DLAT: variants seen among roughly 807,000 people sequenced by gnomAD.
DLAT encodes dihydrolipoyllysine-residue acetyltransferase component of pyruvate dehydrogenase complex, mitochondrial.
Under a neutral mutation model 68.0 loss-of-function variants are expected in DLAT, and 43 were observed. That is an observed-to-expected ratio of 0.63 (90% confidence interval 0.50 to 0.81). DLAT has a LOEUF of 0.81. Among genes scored for constraint, DLAT ranks in the 40% least tolerant of loss-of-function variants. The pLI is 0.00. For synonymous variants in DLAT, 265 were observed against 288.6 expected, an observed-to-expected ratio of 0.92 and a Z score of 0.83; for missense variants, 745 against 815.4, an observed-to-expected ratio of 0.91 and a Z score of 1.05.
chr11:112,035,488 CT>C (rs1862657236), intron 5 of DLAT, among the ~76,000 whole-genome samples: 1 of 150,504 alleles, frequency 6.6e-6, no homozygotes, highest in Non-Finnish European at 1.5e-5. Context: ...ATTTTAAACA[CT>C]TCTTTTTTTT....
intron 4 of DLAT, 99 bp downstream of exon 4, chr11:112,029,044 G>A: frequency 7.3e-7 from 1 of 1,374,132 alleles, no homozygotes; most frequent in South Asian, 1.2e-5. Flanking sequence ...CATTAAATGT[G>A]GTTAGGTCTT....
At chr11:112,058,648 T>C (rs1479964956) in intron 11 of DLAT, among the ~76,000 whole-genome samples, 1 of 151,412 alleles carries the variant, frequency 6.6e-6, no homozygotes, top group African/African-American at 2.4e-5. Flanking sequence ...TCACCTTTTT[T>C]TTTTTCTACT....
In DLAT at chr11:112,039,238, CA is replaced by C. The variant is rs781853215; in HGVS notation, c.976-2del. On this transcript the variant is annotated splice_polypyrimidine_tract_variant and splice_region_variant and intron_variant, in intron 6 of 13. Coordinates refer to ENST00000280346, the MANE Select transcript of DLAT (RefSeq NM_001931.5). The stretch of plus-strand genomic sequence containing the variant: ...ATTAAAACAATTTGTAATTTTTTTT[CA>C]AAAGGTGGCCGCTGTTCCTCCAACT... 281 of 1,613,106 alleles carry C rather than the reference CA, an allele frequency of 1.7e-4. No individual in the cohort carries two copies. The highest frequency in any genetic ancestry group is 2.3e-4 in the Non-Finnish European group (272 of 1,179,628).
chr11:112,051,276 A>G lies in DLAT; in HGVS notation c.1441A>G (p.Ile481Val), dbSNP rs377355788. ...RSKISVNDFI[I>V]KASALACLKV... The stretch of plus-strand genomic sequence containing the variant: ...CAAAATTTCTGTCAATGACTTCATC[A>G]TAAAAGCTTCAGCTTTGGCATGTTT... Residue 481 changes from isoleucine to valine, a missense_variant, in exon 11 of 14, where the codon ATA (isoleucine) becomes GTA (valine). Ile to Val is a conservative substitution (Grantham distance 29, BLOSUM62 3). Coordinates refer to ENST00000280346, the MANE Select transcript of DLAT (RefSeq NM_001931.5). The surrounding 1 kb of genome is among the most constrained non-coding windows in gnomAD (Gnocchi z 4.3). 15 of 1,613,350 alleles carry G rather than the reference A, an allele frequency of 9.3e-6. No homozygotes were observed. Among genetic ancestry groups the G allele is most frequent in the Non-Finnish European group, 1.3e-5 (15 of 1,179,978 alleles).
Position 112,026,307 on chromosome 11 carries a change from T to TG in DLAT, c.381+8_381+9insG. 7.5e-7 allele frequency: 1 copy of TG among 1,334,138 alleles called. No individual in the cohort carries two copies. The highest frequency in any genetic ancestry group is 2.9e-5 in the Admixed American group (1 of 34,492). The allele number at this position is 1,334,138 out of a possible 1,614,324, so 82.6% of individuals were successfully genotyped here. A position where few individuals can be genotyped will look rare whatever the true frequency, so the allele number is the denominator to read the frequency against. On this transcript the variant is annotated intron_variant, in intron 2 of 13. Coordinates refer to ENST00000280346, the MANE Select transcript of DLAT (RefSeq NM_001931.5). ...GGTGACCTAATTGCAGAGGTAAGTTTTTTTTTTTTTTTTTAATTAATTTAT... is the reference window on the plus strand; with the variant it reads ...GGTGACCTAATTGCAGAGGTAAGTTTGTTTTTTTTTTTTTTAATTAATTTAT...
intron 12 of DLAT, among the ~76,000 whole-genome samples, 184 bp from the exon 13 acceptor site, chr11:112,060,854 C>T (rs1864563628): frequency 6.6e-6 from 1 of 152,108 alleles, no homozygotes; most frequent in Admixed American, 6.5e-5. Context: ...GAAAATAAGA[C>T]ATTTTCCGGC....
At chr11:112,030,185 T>C in intron 4 of DLAT, 1 of 616,038 alleles carries the variant, frequency 1.6e-6, no homozygotes, top group Non-Finnish European at 3.1e-6. Context: ...AAGTGCTTCC[T>C]TTGTATCCTA....
rs1592669648 is a variant in DLAT at position 112,033,163 on chromosome 11, G to A, written c.661-241G>A. On this transcript the variant is annotated intron_variant, in intron 4 of 13. Transcript: ENST00000280346. The stretch of plus-strand genomic sequence containing the variant: ...TGAAAGAAATCTTTCCCATGTGCTT[G>A]TTGCATTTAACTTGGAGTGTGTGTT... Among the ~76,000 whole-genome samples, 7 of 152,320 alleles carry A rather than the reference G, an allele frequency of 4.6e-5. No individual in the cohort carries two copies. The South Asian group carries it at 1.2e-3, about 27-fold the overall frequency.
chr11:112,047,613 C>T (rs1592696588), intron 10 of DLAT, among the ~76,000 whole-genome samples: 1 of 152,184 alleles, frequency 6.6e-6, no homozygotes, highest in Admixed American at 6.5e-5. Flanking sequence ...ACGTTTAAGT[C>T]TTTAATCCAT....
At position 112,026,320 on chromosome 11, in the gene DLAT, T is replaced by A. The variant is rs1264986624; in HGVS notation, c.381+21T>A. ...CAGAGGTAAGTTTTTTTTTTTTTTT[T>A]TAATTAATTTATTTATTTTTTTTAT... On this transcript the variant is annotated intron_variant, in intron 2 of 13. Coordinates refer to ENST00000280346, the MANE Select transcript of DLAT (RefSeq NM_001931.5). The A allele has an allele frequency of 4.1e-6, 5 of 1,230,282 alleles. No individual in the cohort carries two copies. The African/African-American group carries it at 6.4e-5, about 16-fold the overall frequency. The allele number at this position is 1,230,282 out of a possible 1,614,324, so 76.2% of individuals were successfully genotyped here. A position where few individuals can be genotyped will look rare whatever the true frequency, so the allele number is the denominator to read the frequency against.
At chr11:112,035,428 G>A (rs1555180328) in intron 5 of DLAT, among the ~76,000 whole-genome samples, 1 of 152,028 alleles carries the variant, frequency 6.6e-6, no homozygotes, top group Non-Finnish European at 1.5e-5. Context: ...CACTAGAGAA[G>A]TGTTACCTTG....
At chr11:112,030,461 T>A (rs1299610013) in intron 4 of DLAT, 1 of 286,170 alleles carries the variant, frequency 3.5e-6, no homozygotes, top group African/African-American at 2.2e-5. Context: ...TGTCAAGTGC[T>A]GTCTGTTGAA....
At position 112,060,069 on chromosome 11, in the gene DLAT, G is replaced by C. The variant is rs782793536; in HGVS notation, c.1677+4G>C. 4 of 1,612,578 alleles carry C rather than the reference G, an allele frequency of 2.5e-6. No individual in the cohort carries two copies. The highest frequency in any genetic ancestry group is 3.4e-6 in the Non-Finnish European group (4 of 1,179,152). On this transcript the variant is annotated splice_donor_region_variant and intron_variant, in intron 12 of 13. Coordinates refer to ENST00000280346, the MANE Select transcript of DLAT (RefSeq NM_001931.5). ...ACTACAGCCACATGAATTCCAGGTA[G>C]GGTATTAATTATTGCTTTCTAATTA...
intron 6 of DLAT, among the ~76,000 whole-genome samples, chr11:112,038,701 C>T (rs2137760163): frequency 6.6e-6 from 1 of 151,350 alleles, no homozygotes; most frequent in African/African-American, 2.4e-5. Flanking sequence ...AAAAAATTAG[C>T]TGGGCGTGGT....
intron 7 of DLAT, among the ~76,000 whole-genome samples, chr11:112,039,868 G>A (rs922031640): frequency 6.6e-6 from 1 of 152,146 alleles, no homozygotes; most frequent in Non-Finnish European, 1.5e-5. Flanking sequence ...TTGTCTGTCT[G>A]CCGCCAAAGA....
chr11:112,056,675 C>T (rs1414166064), intron 11 of DLAT, among the ~76,000 whole-genome samples: 2 of 152,108 alleles, frequency 1.3e-5, no homozygotes, highest in Admixed American at 1.3e-4. Context: ...TTTTATTTCT[C>T]TTCAGTAGAT....
At position 112,062,479 on chromosome 11, in the gene DLAT, C is replaced by T; in HGVS notation, c.1888C>T (p.Gln630Ter). Residue 630 changes from glutamine (Q) to a stop codon, truncating the protein, a stop_gained, in exon 14 of 14, where the codon CAG becomes TAG. Coordinates refer to ENST00000280346, the MANE Select transcript of DLAT (RefSeq NM_001931.5). LOFTEE classifies it high-confidence loss of function. ...GGTGGTGGATGGAGCAGTTGGAGCC[C>T]AGTGGCTTGCTGAGTTTAGAAAGTA... ...HRVVDGAVGA[Q>*]WLAEFRKYLE... 3 of 1,612,724 alleles carry T rather than the reference C, an allele frequency of 1.9e-6. No homozygotes were observed. Among genetic ancestry groups the T allele is most frequent in the Non-Finnish European group, 2.5e-6 (3 of 1,180,006 alleles).
chr11:112,037,379 A>C lies in DLAT; in HGVS notation c.894A>C (p.Ala298=), dbSNP rs1862828266. ...TCTGTATCATTGTAGAAAAAGAGGCAGATATATCAGCATTTGCTGACTATA... is the reference window on the plus strand; with the variant it reads ...TCTGTATCATTGTAGAAAAAGAGGCCGATATATCAGCATTTGCTGACTATA... ...TPLCIIVEKE[A]DISAFADYRP... Residue 298 remains alanine (A), a synonymous_variant, in exon 6 of 14, where the codon GCA becomes GCC. Coordinates refer to ENST00000280346, the MANE Select transcript of DLAT (RefSeq NM_001931.5). 6.2e-7 allele frequency: 1 copy of C among 1,614,220 alleles called. No individual in the cohort carries two copies. Among genetic ancestry groups the C allele is most frequent in the Non-Finnish European group, 8.5e-7 (1 of 1,180,024 alleles).
chr11:112,026,071 C>T (rs1555179216), intron 1 of DLAT, 127 bp from the exon 2 acceptor site: 6 of 842,040 alleles, frequency 7.1e-6, no homozygotes, highest in East Asian at 5.3e-5. Context: ...CCCTTGGCAT[C>T]CCTAGTTCCC....
Sources: allele counts gnomAD v4.1 joint callset (sites outside exome capture counted in the v4.1 genomes callset), GRCh38; gene constraint gnomAD v4.1.1; non-coding constraint Gnocchi (gnomAD v3.1); transcripts MANE v1.5; gene names NCBI Gene and HGNC (gene_info 2026-07-23, HGNC 2026-07-21).